Variants in SLFN12L observed in about 807,000 individuals in gnomAD.
SLFN12L encodes schlafen family member 12-like.
In SLFN12L, 34 loss-of-function variants were observed where a neutral mutation model predicts 34.8. That is an observed-to-expected ratio of 0.98 (90% CI 0.74 to 1.30). The LOEUF is 1.30. Ranked by LOEUF, SLFN12L falls within the 50% of genes most tolerant of loss-of-function variation. The pLI is 0.00. For synonymous variants in SLFN12L, 259 were observed against 247.5 expected, an observed-to-expected ratio of 1.05 and a Z score of -0.44; for missense variants, 703 against 696.2, an observed-to-expected ratio of 1.01 and a Z score of -0.11.
chr17:35,532,825 A>G (rs2072424615), intron 1 of SLFN12L, among the ~76,000 whole-genome samples: 1 of 151,910 alleles, frequency 6.6e-6, no homozygotes, highest in Non-Finnish European at 1.5e-5. Context: ...CCCAGGAGGC[A>G]GAGGTTGCAG....
intron 2 of SLFN12L, among the ~76,000 whole-genome samples, chr17:35,506,334 G>A (rs1206186483): frequency 6.6e-6 from 1 of 152,188 alleles, no homozygotes; most frequent in Admixed American, 6.5e-5. Flanking sequence ...GGACTGTGTG[G>A]AAATAAATGT....
chr17:35,486,531 A>T (rs2142136003), intron 2 of SLFN12L, among the ~76,000 whole-genome samples: 1 of 152,274 alleles, frequency 6.6e-6, no homozygotes, highest in Admixed American at 6.5e-5. Context: ...GCAGCCATGT[A>T]AAACTTTCCA....
At position 35,469,335 on chromosome 17, in the gene SLFN12L, T is replaced by C. The variant is rs1913768978; in HGVS notation, c.*5588A>G. 7.2e-6 allele frequency among the ~76,000 whole-genome samples: 1 copy of C among 139,834 alleles called. No homozygotes were observed. The highest frequency in any genetic ancestry group is 2.6e-5 in the African/African-American group (1 of 37,802). The allele number at this position is 139,834 out of a possible 152,430, so 91.7% of individuals were successfully genotyped here. A position where few individuals can be genotyped will look rare whatever the true frequency, so the allele number is the denominator to read the frequency against. On this transcript the variant is annotated 3_prime_UTR_variant, in exon 5 of 5. Transcript: ENST00000628453. ...TATATATTATATATATAAATATATATATAATATATATATATATGTATTTCA... is the reference window on the plus strand; with the variant it reads ...TATATATTATATATATAAATATATACATAATATATATATATATGTATTTCA...
In SLFN12L at chr17:35,479,687, A is replaced by G. The variant is rs969029619; in HGVS notation, c.595T>C (p.Tyr199His). Residue 199 changes from tyrosine (Y) to histidine (H), a missense_variant, in exon 3 of 5, where the codon TAT becomes CAT. Coordinates refer to ENST00000628453, the MANE Select transcript of SLFN12L (RefSeq NM_001363830.2). Reference sequence around the variant, plus strand: ...TTTGCAGGGAATTCTGGTCTTAAATATGCTCTCCCTCCAGTTTTTTCCATG... The same window carrying G: ...TTTGCAGGGAATTCTGGTCTTAAATGTGCTCTCCCTCCAGTTTTTTCCATG... ...KDMEKTGGRA[Y>H]LRPEFPAKRA... The G allele has an allele frequency of 1.2e-6, 2 of 1,613,542 alleles. No homozygotes were observed. The highest frequency in any genetic ancestry group is 8.5e-7 in the Non-Finnish European group (1 of 1,179,684).
intron 2 of SLFN12L, among the ~76,000 whole-genome samples, chr17:35,520,757 AG>A (rs1308720629): frequency 6.6e-6 from 1 of 152,072 alleles, no homozygotes; most frequent in African/African-American, 2.4e-5. Context: ...AAAAAAAAAA[AG>A]TTGTCTCTAC....
intron 2 of SLFN12L, among the ~76,000 whole-genome samples, chr17:35,484,043 C>T (rs2142133861): frequency 6.6e-6 from 1 of 152,268 alleles, no homozygotes; most frequent in South Asian, 2.1e-4. Context: ...TAACAATTTA[C>T]AGGGACCAGA....
chr17:35,480,014 C>G lies in SLFN12L; in HGVS notation c.268G>C (p.Val90Leu), dbSNP rs544106900. Residue 90 changes from valine to leucine, a missense_variant, in exon 3 of 5, where the codon GTG (valine) becomes CTG (leucine). Physicochemically the swap from Val to Leu is conservative, Grantham distance 32. Coordinates refer to ENST00000628453, the MANE Select transcript of SLFN12L (RefSeq NM_001363830.2). ...CCTCCAGAATTCAGCAGAGCACACA[C>G]AGCTCGTGAGACATTTTCATTCTGC... ...KQQNENVSRA[V>L]CALLNSGGGV... The G allele has an allele frequency of 2.1e-5, 34 of 1,614,200 alleles. No homozygotes were observed. The East Asian group carries it at 6.0e-4, about 29-fold the overall frequency.
At chr17:35,500,869 A>G (rs1322768630) in intron 2 of SLFN12L, among the ~76,000 whole-genome samples, 1 of 152,158 alleles carries the variant, frequency 6.6e-6, no homozygotes, top group Non-Finnish European at 1.5e-5. Context: ...TCCCAGTCAT[A>G]TACCCCACTG....
At chr17:35,524,444 A>T (rs1320758446) in intron 1 of SLFN12L, among the ~76,000 whole-genome samples, 2 of 152,224 alleles carry the variant, frequency 1.3e-5, no homozygotes, top group Non-Finnish European at 2.9e-5. Context: ...ACCTCCCAGC[A>T]GGGGCCAACA....
intron 2 of SLFN12L, among the ~76,000 whole-genome samples, chr17:35,510,613 G>A (rs558946547): frequency 1.2e-4 from 18 of 152,312 alleles, no homozygotes; most frequent in African/African-American, 3.6e-4. Context: ...ATGAGAGTGA[G>A]CGCTAATGGA....
At chr17:35,514,410 T>A (rs781236314) in intron 2 of SLFN12L, among the ~76,000 whole-genome samples, 1 of 152,262 alleles carries the variant, frequency 6.6e-6, no homozygotes, top group Non-Finnish European at 1.5e-5. Flanking sequence ...CGTAAAAATG[T>A]GCATTCTTCA....
intron 2 of SLFN12L, among the ~76,000 whole-genome samples, chr17:35,486,044 C>T (rs1427151057): frequency 6.6e-6 from 1 of 152,154 alleles, no homozygotes; most frequent in African/African-American, 2.4e-5. Context: ...TGAAAAATGA[C>T]ATTGGTAATT....
chr17:35,530,395 A>G (rs565363829), intron 1 of SLFN12L, among the ~76,000 whole-genome samples: 13 of 8,806 alleles, frequency 1.5e-3, no homozygotes, highest in East Asian at 0.083. Context: ...GGAAGGAAGG[A>G]AGGAAGGAAG....
rs543182350 is a variant in SLFN12L, at chr17:35,535,728, T to C, written c.-606+1845A>G. On this transcript the variant is annotated intron_variant, in intron 1 of 4. Coordinates refer to ENST00000628453, the MANE Select transcript of SLFN12L (RefSeq NM_001363830.2). ...TCGAAGGCAGTGGCAGGATCTCAGC[T>C]AACCGCACCCTCCACCTCCTGGGTT... 1.8e-4 allele frequency among the ~76,000 whole-genome samples: 28 copies of C among 152,240 alleles called. 1 individual carries two copies. In the South Asian group the frequency reaches 3.7e-3, roughly 20 times the overall value.
chr17:35,498,386 A>G (rs973277619), intron 2 of SLFN12L: 32 of 1,191,926 alleles, frequency 2.7e-5, no homozygotes, highest in Non-Finnish European at 4.0e-5. Context: ...GTGCCGACAT[A>G]GTGTCTGCAG....
intron 4 of SLFN12L, among the ~76,000 whole-genome samples, chr17:35,476,379 T>C (rs1567642296): frequency 6.6e-6 from 1 of 151,290 alleles, no homozygotes; most frequent in Non-Finnish European, 1.5e-5. Flanking sequence ...GGCAGGTGGA[T>C]TGCTTGAGCC....
chr17:35,524,700 A>G (rs2072317026), intron 1 of SLFN12L, among the ~76,000 whole-genome samples: 1 of 152,218 alleles, frequency 6.6e-6, no homozygotes, highest in Non-Finnish European at 1.5e-5. Flanking sequence ...CCCCATCTGA[A>G]GGTCACCAAC....
chr17:35,515,043 T>C, intron 2 of SLFN12L: 1 of 563,778 alleles, frequency 1.8e-6, no homozygotes, highest in South Asian at 1.4e-5. Context: ...AACTCACTCC[T>C]CGGCCAGCTT....
chr17:35,508,172 C>A (rs1915523570), intron 2 of SLFN12L, among the ~76,000 whole-genome samples: 1 of 152,216 alleles, frequency 6.6e-6, no homozygotes, highest in Non-Finnish European at 1.5e-5. Context: ...CATGTACCGC[C>A]TGCTTGCTCA....
Sources: allele counts gnomAD v4.1 joint callset (sites outside exome capture counted in the v4.1 genomes callset), GRCh38; gene constraint gnomAD v4.1.1; transcripts MANE v1.5; gene names NCBI Gene and HGNC (gene_info 2026-07-23, HGNC 2026-07-21).